PRKAG2: variants seen among roughly 807,000 people sequenced by gnomAD.
PRKAG2 encodes the protein 5'-AMP-activated protein kinase subunit gamma-2.
A neutral mutation model predicts 69.6 loss-of-function variants in PRKAG2; 26 were observed. The observed-to-expected ratio is 0.37, with a 90% CI of 0.27 to 0.52. The LOEUF (loss-of-function observed/expected upper bound fraction) is 0.52, where lower values mean the gene tolerates loss of function less well. Among genes scored for constraint, PRKAG2 ranks in the 20% least tolerant of loss-of-function variants. The pLI is 0.90. For synonymous variants in PRKAG2, 293 were observed against 285.0 expected (o/e 1.03, Z -0.28); for missense variants, 557 against 740.0 (o/e 0.75, Z 2.87).
chr7:151,657,596 A>G (rs1829632529), intron 4 of PRKAG2, among the ~76,000 whole-genome samples: 2 of 152,202 alleles, frequency 1.3e-5, no homozygotes, highest in African/African-American at 4.8e-5. Flanking sequence ...TTGGTTCTTA[A>G]CTTGCAAAAT....
intron 5 of PRKAG2, among the ~76,000 whole-genome samples, chr7:151,599,974 A>T (rs955843061): frequency 6.6e-6 from 1 of 152,102 alleles, no homozygotes; most frequent in African/African-American, 2.4e-5. Flanking sequence ...GGGGCCTGAC[A>T]CTACTGCTTC....
chr7:151,710,582 C>G (rs1221801637), intron 3 of PRKAG2, among the ~76,000 whole-genome samples: 1 of 152,246 alleles, frequency 6.6e-6, no homozygotes, highest in African/African-American at 2.4e-5. Context: ...CCTGCCCTCT[C>G]CCTGCTCTTG....
At chr7:151,745,491 T>C (rs1201294017) in intron 3 of PRKAG2, among the ~76,000 whole-genome samples, 2 of 152,162 alleles carry the variant, frequency 1.3e-5, no homozygotes, top group Admixed American at 1.3e-4. Flanking sequence ...CCCACGCCTC[T>C]GTTCCACGTC....
At chr7:151,844,936 C>G (rs954336048) in intron 1 of PRKAG2, among the ~76,000 whole-genome samples, 1 of 150,182 alleles carries the variant, frequency 6.7e-6, no homozygotes, top group Non-Finnish European at 1.5e-5. Context: ...TGCTCCCCAG[C>G]CCGGCAAACC....
chr7:151,588,052 T>TA (rs1385372174), intron 6 of PRKAG2, among the ~76,000 whole-genome samples: 5 of 152,180 alleles, frequency 3.3e-5, no homozygotes, highest in Non-Finnish European at 7.3e-5. Context: ...AGAGTATTGC[T>TA]AAAAGAAGTT....
At chr7:151,875,543 T>C (rs1035517635) in intron 1 of PRKAG2, among the ~76,000 whole-genome samples, 4 of 150,190 alleles carry the variant, frequency 2.7e-5, no homozygotes, top group African/African-American at 9.8e-5. Flanking sequence ...GCAAAATAAC[T>C]TTCTCTACGG....
At chr7:151,819,748 ACGGG>A in intron 1 of PRKAG2, among the ~76,000 whole-genome samples, 1 of 34,100 alleles carries the variant, frequency 2.9e-5, no homozygotes, top group Non-Finnish European at 7.2e-5. Flanking sequence ...CTGGAGCCTT[ACGGG>A]TGAAAACCGG....
intron 3 of PRKAG2, among the ~76,000 whole-genome samples, chr7:151,689,942 T>C (rs1350608560): frequency 2.6e-5 from 4 of 152,128 alleles, no homozygotes; most frequent in Non-Finnish European, 5.9e-5. Context: ...AGTGGTTGTC[T>C]GCCTCCAGTG....
chr7:151,560,794 G>C (rs1363246892), intron 14 of PRKAG2, among the ~76,000 whole-genome samples, 177 bp from the exon 15 acceptor site: 1 of 152,170 alleles, frequency 6.6e-6, no homozygotes, highest in Admixed American at 6.5e-5. Flanking sequence ...GTGCTGGTGT[G>C]CACCTGTGGT....
At chr7:151,572,536 T>C (rs1352841990) in intron 9 of PRKAG2, 128 bp downstream of exon 9, 1 of 722,160 alleles carries the variant, frequency 1.4e-6, no homozygotes, top group Non-Finnish European at 2.4e-6. Context: ...TTAACAGAAA[T>C]AAAGAGAATG....
At chr7:151,732,295 C>T (rs1026835963) in intron 3 of PRKAG2, among the ~76,000 whole-genome samples, 6 of 152,092 alleles carry the variant, frequency 3.9e-5, no homozygotes, top group Middle Eastern at 3.4e-3. Flanking sequence ...TGCACCACCA[C>T]GCCTGGCTAA....
rs62478215 is a variant in PRKAG2, at chr7:151,781,006, T to C, written c.466+146A>G. 1.8e-5 allele frequency: 19 copies of C among 1,050,804 alleles called. No individual in the cohort carries two copies. Among genetic ancestry groups the C allele is most frequent in the Non-Finnish European group, 1.7e-5 (12 of 694,144 alleles). The allele number at this position is 1,050,804 out of a possible 1,614,324, so 65.1% of individuals were successfully genotyped here. ...GGAGAGAGATTTGTTTAGGGGGAAG[T>C]GGGGGTGGGGAGAAACAGATACAGG... On this transcript the variant is annotated intron_variant, in intron 3 of 15. Transcript: ENST00000287878. This position sits in a 1 kb window ranked among gnomAD's most constrained non-coding sequence, Gnocchi z 6.1.
intron 7 of PRKAG2, among the ~76,000 whole-genome samples, chr7:151,575,529 T>C (rs1041742014): frequency 4.6e-5 from 7 of 152,216 alleles, no homozygotes; most frequent in African/African-American, 1.7e-4. Context: ...TTGTCTGCTG[T>C]GATTCATAAG....
Position 151,814,342 on chromosome 7 carries a change from A to AG in PRKAG2, c.115-27802dup. 1.9e-6 allele frequency: 2 copies of AG among 1,051,364 alleles called. No individual in the cohort carries two copies. Among genetic ancestry groups the AG allele is most frequent in the South Asian group, 4.9e-5 (1 of 20,398 alleles). The allele number at this position is 1,051,364 out of a possible 1,614,324, so 65.1% of individuals were successfully genotyped here. A position where few individuals can be genotyped will look rare whatever the true frequency, so the allele number is the denominator to read the frequency against. ...CACACCAAGGAGACAAAGCATCGTG[A>AG]GGGGGAAAACCGCACACCCAGGGAC... On this transcript the variant is annotated intron_variant, in intron 1 of 15. Coordinates refer to ENST00000287878, the MANE Select transcript of PRKAG2 (RefSeq NM_016203.4). The surrounding 1 kb of genome is among the most constrained non-coding windows in gnomAD (Gnocchi z 4.8).
chr7:151,775,042 G>A (rs2076269483), intron 3 of PRKAG2, among the ~76,000 whole-genome samples: 1 of 152,230 alleles, frequency 6.6e-6, no homozygotes. Context: ...AAGGCTGGAT[G>A]TGAGGCTGCA....
intron 4 of PRKAG2, among the ~76,000 whole-genome samples, chr7:151,663,110 G>C (rs1338104795): frequency 2.0e-5 from 3 of 152,096 alleles, no homozygotes; most frequent in Non-Finnish European, 4.4e-5. Flanking sequence ...ACACAAATCT[G>C]AACAAGTCCC....
intron 1 of PRKAG2, among the ~76,000 whole-genome samples, chr7:151,839,536 G>A (rs1167731104): frequency 6.6e-6 from 1 of 152,142 alleles, no homozygotes; most frequent in Non-Finnish European, 1.5e-5. Flanking sequence ...CAATGCTTTC[G>A]CCACACCTTA....
At chr7:151,668,131 G>T (rs1203058411) in intron 4 of PRKAG2, among the ~76,000 whole-genome samples, 4 of 152,216 alleles carry the variant, frequency 2.6e-5, no homozygotes, top group African/African-American at 9.6e-5. Flanking sequence ...TACTGCAGGG[G>T]TATCTCACAG....
chr7:151,644,375 T>C (rs1288272820), intron 4 of PRKAG2, among the ~76,000 whole-genome samples: 1 of 152,256 alleles, frequency 6.6e-6, no homozygotes, highest in African/African-American at 2.4e-5. Context: ...CAACCACTGA[T>C]CTACTTTTTA....
Sources: allele counts gnomAD v4.1 joint callset (sites outside exome capture counted in the v4.1 genomes callset), GRCh38; gene constraint gnomAD v4.1.1; non-coding constraint Gnocchi (gnomAD v3.1); transcripts MANE v1.5; gene names NCBI Gene and HGNC (gene_info 2026-07-23, HGNC 2026-07-21).